Variants in SPDYE10 observed in about 807,000 individuals in gnomAD.
SPDYE10 encodes speedy/RINGO cell cycle regulator family member E10.
the SPDYE10 span, among the ~76,000 whole-genome samples, chr7:73,135,162 TC>T: frequency 6.6e-6 from 1 of 152,142 alleles, no homozygotes; most frequent in African/African-American, 2.4e-5. Flanking sequence ...GAAAGCTGGG[TC>T]CACGTGCACC....
chr7:73,110,848 GAA>G, the SPDYE10 span: 13 of 920,828 alleles, frequency 1.4e-5, no homozygotes, highest in Admixed American at 2.5e-4. Flanking sequence ...TTTCCCATTG[GAA>G]AAGTGTGGTT....
chr7:73,137,591 G>GAAGAAAGAAAGAAAGA, the SPDYE10 span, among the ~76,000 whole-genome samples: 1 of 56,712 alleles, frequency 1.8e-5, no homozygotes, highest in Non-Finnish European at 3.5e-5. Context: ...AGAAAGAAGA[G>GAAGAAAGAAAGAAAGA]ATGAAAGAAA....
chr7:73,113,831 C>T, the SPDYE10 span, among the ~76,000 whole-genome samples: 7 of 151,982 alleles, frequency 4.6e-5, no homozygotes, highest in East Asian at 1.9e-4. Flanking sequence ...ATCAGGAGAT[C>T]GAGACCATCC....
At chr7:73,135,055 A>C in the SPDYE10 span, among the ~76,000 whole-genome samples, 2 of 152,292 alleles carry the variant, frequency 1.3e-5, no homozygotes, top group African/African-American at 4.8e-5. Flanking sequence ...TGTCATCCTC[A>C]CCATGGTGCC....
chr7:73,135,728 C>A, the SPDYE10 span, among the ~76,000 whole-genome samples: 1 of 62,246 alleles, frequency 1.6e-5, no homozygotes. Context: ...TGCCACCATG[C>A]CGGGCTAATT....
At chr7:73,116,869 C>G in the SPDYE10 span, among the ~76,000 whole-genome samples, 1 of 149,582 alleles carries the variant, frequency 6.7e-6, no homozygotes, top group Non-Finnish European at 1.5e-5. Flanking sequence ...GCATGAGCCA[C>G]TGCACCCAGC....
chr7:73,111,023 G>C, the SPDYE10 span: 2 of 1,578,894 alleles, frequency 1.3e-6, 1 homozygote, highest in East Asian at 4.5e-5. Flanking sequence ...CGCCACCCAG[G>C]TCTCCTCAGG....
the SPDYE10 span, among the ~76,000 whole-genome samples, chr7:73,131,162 C>T: frequency 1.6e-5 from 2 of 128,860 alleles, no homozygotes; most frequent in Non-Finnish European, 3.2e-5. Context: ...ATTGCACCAC[C>T]GCACCTCCAA....
the SPDYE10 span, among the ~76,000 whole-genome samples, chr7:73,114,901 G>C: frequency 8.0e-6 from 1 of 125,168 alleles, no homozygotes; most frequent in Non-Finnish European, 1.7e-5. Flanking sequence ...CGGGTCATCT[G>C]ATTTTTTTTT....
chr7:73,114,054 G>C, the SPDYE10 span, among the ~76,000 whole-genome samples: 1 of 100,638 alleles, frequency 9.9e-6, no homozygotes, highest in East Asian at 2.8e-4. Context: ...AGCTGGGTGT[G>C]GTGGCACGCA....
the SPDYE10 span, among the ~76,000 whole-genome samples, chr7:73,114,181 ACT>A: frequency 1.0e-4 from 12 of 119,468 alleles, no homozygotes; most frequent in African/African-American, 2.9e-4. Context: ...ACAGAGTGAG[ACT>A]CTGTCTCAAA....
chr7:73,126,887 G>GAAATCTTT, the SPDYE10 span, among the ~76,000 whole-genome samples: 4 of 147,560 alleles, frequency 2.7e-5, no homozygotes, highest in Non-Finnish European at 5.9e-5. Context: ...GCCCAGGATG[G>GAAATCTTT]AAATCTTTAT....
the SPDYE10 span, chr7:73,154,946 C>T: frequency 6.7e-6 from 1 of 149,500 alleles, no homozygotes; most frequent in Non-Finnish European, 1.5e-5. Flanking sequence ...ACAGCGAACA[C>T]CAGCTGCTCC....
chr7:73,123,581 C>T, the SPDYE10 span, among the ~76,000 whole-genome samples: 1 of 152,286 alleles, frequency 6.6e-6, no homozygotes, highest in African/African-American at 2.4e-5. Flanking sequence ...ATTCTCCTGC[C>T]TCACCCTCCT....
chr7:73,154,775 G>A, the SPDYE10 span, among the ~76,000 whole-genome samples: 2 of 151,228 alleles, frequency 1.3e-5, no homozygotes, highest in Non-Finnish European at 2.9e-5. Flanking sequence ...CGGGCTGCCG[G>A]TAGCTCCGGC....
chr7:73,145,123 CTTTTCTTTCTTTCTTTCTCT>C, the SPDYE10 span, among the ~76,000 whole-genome samples: 1 of 134,786 alleles, frequency 7.4e-6, no homozygotes, highest in African/African-American at 3.3e-5. Flanking sequence ...TTCTTTCTTT[CTTTTCTTTCTTTCTTTCTCT>C]TTTTCTTTCT....
chr7:73,135,606 A>G, the SPDYE10 span, among the ~76,000 whole-genome samples: 1 of 114,012 alleles, frequency 8.8e-6, no homozygotes, highest in African/African-American at 3.5e-5. Flanking sequence ...ACTCACTGCA[A>G]CCTCCGCTTC....
At chr7:73,150,948 A>ATATATT in the SPDYE10 span, among the ~76,000 whole-genome samples, 3 of 4,940 alleles carry the variant, frequency 6.1e-4, no homozygotes, top group African/African-American at 8.9e-4. Context: ...ATATATATAT[A>ATATATT]TTTTTTTTTT....
the SPDYE10 span, among the ~76,000 whole-genome samples, chr7:73,139,654 TTG>T: frequency 2.0e-5 from 3 of 151,312 alleles, no homozygotes; most frequent in African/African-American, 7.4e-5. Context: ...TGTTTGTTTT[TTG>T]TGTTTTTTTT....
Sources: allele counts gnomAD v4.1 joint callset (sites outside exome capture counted in the v4.1 genomes callset), GRCh38; gene constraint gnomAD v4.1.1; transcripts MANE v1.5; gene names NCBI Gene and HGNC (gene_info 2026-07-23, HGNC 2026-07-21).